Variants in MSI2 observed in about 807,000 individuals in gnomAD.
MSI2 encodes the protein RNA-binding protein Musashi homolog 2.
Under a neutral mutation model 45.6 loss-of-function variants are expected in MSI2, and 17 were observed. That is an observed-to-expected ratio of 0.37 (90% CI 0.26 to 0.56). The LOEUF is 0.56. Ranked by LOEUF, MSI2 falls within the 20% of genes least tolerant of loss-of-function variation. The pLI is 0.77. For missense variants in MSI2, 293 were observed against 444.2 expected, an observed-to-expected ratio of 0.66 and a Z score of 3.06; for synonymous variants, 156 against 158.2, an observed-to-expected ratio of 0.99 and a Z score of 0.11.
the MSI2 span, among the ~76,000 whole-genome samples, chr17:57,700,506 T>G: frequency 6.6e-6 from 1 of 152,002 alleles, no homozygotes; most frequent in Admixed American, 6.5e-5. Flanking sequence ...TCTGTGAGAG[T>G]GCAGGTATGA....
intron 10 of MSI2, among the ~76,000 whole-genome samples, chr17:57,643,695 C>G (rs929252117): frequency 6.6e-6 from 1 of 152,276 alleles, no homozygotes; most frequent in South Asian, 2.1e-4. Context: ...TCTGAAACCT[C>G]AACAAAGGTT....
At chr17:57,283,520 G>C (rs1909605689) in intron 5 of MSI2, among the ~76,000 whole-genome samples, 1 of 152,138 alleles carries the variant, frequency 6.6e-6, no homozygotes. Flanking sequence ...CACTTAAAGA[G>C]CATGTGAAAA....
At chr17:57,434,831 G>A (rs77054151) in intron 6 of MSI2, among the ~76,000 whole-genome samples, 1 of 151,406 alleles carries the variant, frequency 6.6e-6, no homozygotes, top group Non-Finnish European at 1.5e-5. Context: ...TTGTTTCCAT[G>A]TCTTGGCTAT....
chr17:57,531,298 T>C (rs1481895878), intron 7 of MSI2, among the ~76,000 whole-genome samples: 2 of 152,222 alleles, frequency 1.3e-5, no homozygotes, highest in African/African-American at 4.8e-5. Context: ...GGGGTAATCA[T>C]AGAACCTCCT....
intron 5 of MSI2, among the ~76,000 whole-genome samples, chr17:57,285,462 C>T (rs745552765): frequency 5.9e-5 from 9 of 152,164 alleles, no homozygotes; most frequent in Non-Finnish European, 8.8e-5. Context: ...CACGGTGAAC[C>T]GCATTGTCTC....
chr17:57,572,049 C>G (rs1191433989), intron 7 of MSI2, among the ~76,000 whole-genome samples: 1 of 152,166 alleles, frequency 6.6e-6, no homozygotes, highest in Admixed American at 6.5e-5. Flanking sequence ...AGCTAGAAAG[C>G]TGATCAGCCG....
chr17:57,614,814 G>A (rs983347451), intron 8 of MSI2, among the ~76,000 whole-genome samples: 1 of 152,124 alleles, frequency 6.6e-6, no homozygotes, highest in Non-Finnish European at 1.5e-5. Context: ...TATTCCCTGA[G>A]GTTTATAGTT....
chr17:57,498,335 G>A (rs1268226431), intron 6 of MSI2, among the ~76,000 whole-genome samples: 1 of 152,258 alleles, frequency 6.6e-6, no homozygotes, highest in African/African-American at 2.4e-5. Flanking sequence ...TCTCTTGCTT[G>A]TTTTTAAATG....
chr17:57,301,667 C>T lies in MSI2; in HGVS notation c.312+39475C>T, dbSNP rs148055843. Among the ~76,000 whole-genome samples the T allele has an allele frequency of 1.6e-3, 237 of 152,272 alleles. 1 individual carries two copies. The highest frequency in any genetic ancestry group is 5.4e-3 in the African/African-American group (226 of 41,552). ...AGCTCATTTGTTTTCATTGCTGTAGCGTGTTCATTGAATGAATGGGCCACC... is the reference window on the plus strand; with the variant it reads ...AGCTCATTTGTTTTCATTGCTGTAGTGTGTTCATTGAATGAATGGGCCACC... On this transcript the variant is annotated intron_variant, in intron 5 of 13. Transcript: ENST00000284073.
intron 7 of MSI2, among the ~76,000 whole-genome samples, chr17:57,579,367 GC>G (rs2088139039): frequency 1.3e-5 from 2 of 152,276 alleles, no homozygotes; most frequent in East Asian, 3.9e-4. Flanking sequence ...GGATGATCTG[GC>G]CCCCATGCTG....
intron 10 of MSI2, among the ~76,000 whole-genome samples, chr17:57,648,898 A>C (rs1457417642): frequency 6.6e-6 from 1 of 152,164 alleles, no homozygotes; most frequent in East Asian, 1.9e-4. Flanking sequence ...AGACAGTGCC[A>C]CGAGGCCACT....
intron 7 of MSI2, among the ~76,000 whole-genome samples, chr17:57,558,099 TG>T (rs2087480866): frequency 6.6e-6 from 1 of 152,160 alleles, no homozygotes; most frequent in South Asian, 2.1e-4. Context: ...TGCCTGCTGC[TG>T]GCGTGGGGAG....
intron 7 of MSI2, among the ~76,000 whole-genome samples, chr17:57,555,761 A>G (rs915472878): frequency 6.6e-6 from 1 of 152,212 alleles, no homozygotes. Flanking sequence ...CAGAAGAGTG[A>G]TGGTGTTTAT....
chr17:57,415,313 T>A (rs1211901283), intron 6 of MSI2, among the ~76,000 whole-genome samples: 1 of 152,108 alleles, frequency 6.6e-6, no homozygotes, highest in Non-Finnish European at 1.5e-5. Flanking sequence ...TGTGGGTACA[T>A]TTTTGCCTCT....
intron 5 of MSI2, among the ~76,000 whole-genome samples, chr17:57,301,286 T>A (rs940019502): frequency 6.6e-5 from 10 of 152,202 alleles, no homozygotes; most frequent in African/African-American, 9.7e-5. Context: ...CTGAGCACCC[T>A]TAAGAAGTAG....
At chr17:57,557,157 A>C (rs2087454967) in intron 7 of MSI2, among the ~76,000 whole-genome samples, 1 of 152,248 alleles carries the variant, frequency 6.6e-6, no homozygotes, top group South Asian at 2.1e-4. Context: ...GGCAGATGGT[A>C]CACGGAAATA....
intron 9 of MSI2, among the ~76,000 whole-genome samples, chr17:57,622,458 T>TA (rs1430039370): frequency 6.6e-6 from 1 of 152,268 alleles, no homozygotes; most frequent in East Asian, 1.9e-4. Context: ...AACATGCTGA[T>TA]ACGAGTGTTA....
At chr17:57,523,805 T>C (rs2086643831) in intron 6 of MSI2, among the ~76,000 whole-genome samples, 1 of 152,228 alleles carries the variant, frequency 6.6e-6, no homozygotes, top group Non-Finnish European at 1.5e-5. Flanking sequence ...TCTGCCCCTT[T>C]TCTTTCCTTT....
chr17:57,495,263 T>C (rs2085953158), intron 6 of MSI2, among the ~76,000 whole-genome samples: 1 of 152,174 alleles, frequency 6.6e-6, no homozygotes, highest in East Asian at 1.9e-4. Context: ...CCGGGCACGG[T>C]GGCTCACGCC....
Sources: allele counts gnomAD v4.1 joint callset (sites outside exome capture counted in the v4.1 genomes callset), GRCh38; gene constraint gnomAD v4.1.1; transcripts MANE v1.5; gene names NCBI Gene and HGNC (gene_info 2026-07-23, HGNC 2026-07-21).